CLSTN2: variants seen among roughly 807,000 people sequenced by gnomAD.
CLSTN2 encodes calsyntenin 2, also known as calsyntenin-2.
Under a neutral mutation model 101.2 loss-of-function variants are expected in CLSTN2, and 48 were observed. The ratio of observed to expected loss-of-function variants is 0.47; its 90% CI spans 0.38 to 0.60. The LOEUF (loss-of-function observed/expected upper bound fraction) is 0.60. Among genes scored for constraint, CLSTN2 ranks in the 20% least tolerant of loss-of-function variants. CLSTN2 has a pLI of 0.00. For synonymous variants in CLSTN2, 481 were observed against 463.6 expected, an observed-to-expected ratio of 1.04 and a Z score of -0.48; for missense variants, 1,160 against 1,238.2, an observed-to-expected ratio of 0.94 and a Z score of 0.95.
chr3:139,938,432 G>T (rs968936450), intron 1 of CLSTN2, among the ~76,000 whole-genome samples: 1 of 152,182 alleles, frequency 6.6e-6, no homozygotes, highest in Non-Finnish European at 1.5e-5. Flanking sequence ...ACTACCTGGG[G>T]TTTTCACAGA....
intron 5 of CLSTN2, among the ~76,000 whole-genome samples, chr3:140,444,282 T>C (rs1318466326): frequency 6.6e-6 from 1 of 151,966 alleles, no homozygotes; most frequent in Non-Finnish European, 1.5e-5. Flanking sequence ...ATACAAAAAT[T>C]GGCTGGGCGT....
chr3:140,424,893 G>A (rs905115546), intron 5 of CLSTN2, among the ~76,000 whole-genome samples: 3 of 152,214 alleles, frequency 2.0e-5, no homozygotes, highest in East Asian at 3.9e-4. Context: ...GAGGGTGGGT[G>A]GTTGAGGTTT....
chr3:140,060,107 TAACTC>T (rs139748052), intron 1 of CLSTN2, among the ~76,000 whole-genome samples: 24 of 152,314 alleles, frequency 1.6e-4, no homozygotes, highest in African/African-American at 5.8e-4. Context: ...TGTTTGTAAA[TAACTC>T]AGCGAGGTTC....
intron 8 of CLSTN2, among the ~76,000 whole-genome samples, chr3:140,518,069 G>A (rs1236933812): frequency 6.6e-6 from 1 of 152,080 alleles, no homozygotes; most frequent in East Asian, 1.9e-4. Context: ...CAGGTCACCA[G>A]AGAAGTAGGG....
chr3:140,007,324 A>G (rs906633664), intron 1 of CLSTN2, among the ~76,000 whole-genome samples: 1 of 152,186 alleles, frequency 6.6e-6, no homozygotes, highest in Non-Finnish European at 1.5e-5. Flanking sequence ...GCCTGATTAG[A>G]TGGTGTGGAA....
chr3:140,266,535 G>A (rs907110506), intron 2 of CLSTN2, among the ~76,000 whole-genome samples: 2 of 152,170 alleles, frequency 1.3e-5, no homozygotes, highest in Non-Finnish European at 2.9e-5. Flanking sequence ...ATTCAAAGAT[G>A]CATCACTGGT....
intron 7 of CLSTN2, among the ~76,000 whole-genome samples, chr3:140,462,998 C>A (rs1478215109): frequency 6.6e-6 from 1 of 152,304 alleles, no homozygotes; most frequent in African/African-American, 2.4e-5. Flanking sequence ...AAATGTGAAC[C>A]TAGGAGCATA....
chr3:140,121,397 T>A (rs936797948), intron 1 of CLSTN2, among the ~76,000 whole-genome samples: 2 of 152,164 alleles, frequency 1.3e-5, no homozygotes, highest in African/African-American at 4.8e-5. Context: ...TTTCTGTTGC[T>A]GGCTGGATAG....
At chr3:140,274,124 C>T (rs2086771991) in intron 2 of CLSTN2, among the ~76,000 whole-genome samples, 1 of 152,172 alleles carries the variant, frequency 6.6e-6, no homozygotes, top group African/African-American at 2.4e-5. Context: ...TAACATTGAT[C>T]TTACCACACA....
intron 2 of CLSTN2, among the ~76,000 whole-genome samples, chr3:140,267,697 T>C (rs377146508): frequency 3.9e-5 from 6 of 152,302 alleles, no homozygotes; most frequent in African/African-American, 1.4e-4. Context: ...CAGGGAATCT[T>C]TGAAAATACA....
At chr3:140,077,880 A>G (rs17341005) in intron 1 of CLSTN2, among the ~76,000 whole-genome samples, 2 of 151,788 alleles carry the variant, frequency 1.3e-5, no homozygotes, top group South Asian at 2.1e-4. Flanking sequence ...GATAATTTAT[A>G]TGAACTCTCC....
chr3:140,237,038 G>T (rs924024811), intron 2 of CLSTN2, among the ~76,000 whole-genome samples: 6 of 151,602 alleles, frequency 4.0e-5, no homozygotes, highest in African/African-American at 1.5e-4. Flanking sequence ...CATGTTTTCT[G>T]GACTCTTTGC....
intron 1 of CLSTN2, among the ~76,000 whole-genome samples, chr3:140,052,155 A>ACTAT (rs1160566262): frequency 1.3e-5 from 2 of 151,904 alleles, no homozygotes; most frequent in Non-Finnish European, 2.9e-5. Context: ...TATTTCTGTT[A>ACTAT]TTATTTATTT....
chr3:140,497,058 G>A (rs1467044363), intron 8 of CLSTN2, among the ~76,000 whole-genome samples: 1 of 146,484 alleles, frequency 6.8e-6, no homozygotes, highest in Non-Finnish European at 1.5e-5. Context: ...CCGAGATTGC[G>A]CTATTAACCT....
intron 2 of CLSTN2, among the ~76,000 whole-genome samples, chr3:140,351,319 G>T (rs1000792905): frequency 2.0e-5 from 3 of 152,130 alleles, no homozygotes; most frequent in Admixed American, 2.0e-4. Context: ...AAATAAAAAG[G>T]AAAGCTGAGA....
At chr3:140,296,664 T>C (rs780349535) in intron 2 of CLSTN2, among the ~76,000 whole-genome samples, 1 of 152,222 alleles carries the variant, frequency 6.6e-6, no homozygotes, top group Non-Finnish European at 1.5e-5. Flanking sequence ...ACGCAAGTAT[T>C]TGTTAGATGT....
intron 2 of CLSTN2, among the ~76,000 whole-genome samples, chr3:140,185,696 T>TG (rs1410181682): frequency 7.0e-6 from 1 of 141,920 alleles, no homozygotes; most frequent in East Asian, 2.0e-4. Flanking sequence ...ATGGAGATGG[T>TG]GGGGGGCACG....
At position 140,567,163 on chromosome 3, in the gene CLSTN2, T is replaced by C. The variant is rs1054583185; in HGVS notation, c.*910T>C. The C allele has an allele frequency of 6.6e-6, 1 of 152,412 alleles. No homozygotes were observed. Among genetic ancestry groups the C allele is most frequent in the Non-Finnish European group, 1.5e-5 (1 of 68,276 alleles). 9.4% of individuals were successfully genotyped at this position (152,412 alleles called of 1,614,324 possible). On this transcript the variant is annotated 3_prime_UTR_variant, in exon 17 of 17. Coordinates refer to ENST00000458420, the MANE Select transcript of CLSTN2 (RefSeq NM_022131.3). ...AACAAGCCTAGAGCCAGAAAGCAGATGGAAATGCTAATGAGGTCAAACGTA... is the reference window on the plus strand; with the variant it reads ...AACAAGCCTAGAGCCAGAAAGCAGACGGAAATGCTAATGAGGTCAAACGTA...
intron 8 of CLSTN2, among the ~76,000 whole-genome samples, chr3:140,506,465 C>G (rs1477178763): frequency 6.6e-6 from 1 of 152,176 alleles, no homozygotes. Context: ...CCCTCACCTT[C>G]TCTTTGGGAT....
Sources: allele counts gnomAD v4.1 joint callset (sites outside exome capture counted in the v4.1 genomes callset), GRCh38; gene constraint gnomAD v4.1.1; transcripts MANE v1.5; gene names NCBI Gene and HGNC (gene_info 2026-07-23, HGNC 2026-07-21).